PCDH15: variants seen among roughly 807,000 people sequenced by gnomAD.
PCDH15 encodes protocadherin-15.
A neutral mutation model predicts 178.5 loss-of-function variants in PCDH15; 129 were observed. The ratio of observed to expected loss-of-function variants is 0.72; its 90% CI spans 0.63 to 0.84. The LOEUF is 0.84. Ranked by LOEUF, PCDH15 falls within the 40% of genes least tolerant of loss-of-function variation. PCDH15 has a pLI of 0.00. For missense variants in PCDH15, 2,230 were observed against 2,099.9 expected (o/e 1.06, Z -1.21); for synonymous variants, 800 against 732.0 (o/e 1.09, Z -1.50).
At chr10:54,597,511 A>G (rs1400259348) in intron 2 of PCDH15, among the ~76,000 whole-genome samples, 7 of 152,106 alleles carry the variant, frequency 4.6e-5, no homozygotes, top group Admixed American at 4.6e-4. Flanking sequence ...ACCTCAAATT[A>G]ACAACCTAAT....
At chr10:55,045,686 C>A (rs964892176) in intron 2 of PCDH15, among the ~76,000 whole-genome samples, 2 of 152,012 alleles carry the variant, frequency 1.3e-5, no homozygotes, top group East Asian at 1.9e-4. Context: ...CAAAATTCTG[C>A]CAATGTGGCA....
chr10:55,434,082 T>C (rs868673921), intron 2 of PCDH15, among the ~76,000 whole-genome samples: 8 of 126,626 alleles, frequency 6.3e-5, no homozygotes, highest in Admixed American at 3.1e-4. Flanking sequence ...CTTTTCTTTT[T>C]TTTTTTTTTT....
intron 1 of PCDH15, among the ~76,000 whole-genome samples, chr10:55,179,259 G>A (rs1564867497): frequency 6.6e-6 from 1 of 152,064 alleles, no homozygotes; most frequent in Non-Finnish European, 1.5e-5. Flanking sequence ...AGCAGTCATT[G>A]TCCCTATCCT....
chr10:55,439,993 A>G (rs1398346834), intron 2 of PCDH15, among the ~76,000 whole-genome samples: 2 of 152,202 alleles, frequency 1.3e-5, no homozygotes, highest in African/African-American at 4.8e-5. Flanking sequence ...CGTTGTACTG[A>G]TGAATGGAAA....
At chr10:54,989,602 T>A (rs990081310) in intron 2 of PCDH15, among the ~76,000 whole-genome samples, 1 of 152,222 alleles carries the variant, frequency 6.6e-6, no homozygotes, top group Non-Finnish European at 1.5e-5. Flanking sequence ...ATGGGGCCTG[T>A]AGCCCCTTTG....
chr10:54,943,388 T>A (rs1838110773), intron 2 of PCDH15, among the ~76,000 whole-genome samples: 1 of 152,026 alleles, frequency 6.6e-6, no homozygotes, highest in Admixed American at 6.6e-5. Context: ...CTGAATAATC[T>A]AAGATAAATT....
At chr10:53,981,293 G>A (rs980757459) in intron 21 of PCDH15, among the ~76,000 whole-genome samples, 19 of 151,970 alleles carry the variant, frequency 1.3e-4, no homozygotes, top group Middle Eastern at 3.4e-3. Flanking sequence ...AATATGTTTC[G>A]ACTTAGTTAT....
intron 1 of PCDH15, among the ~76,000 whole-genome samples, chr10:55,173,218 A>C (rs1344004937): frequency 6.6e-6 from 1 of 151,870 alleles, no homozygotes; most frequent in Non-Finnish European, 1.5e-5. Context: ...TTAAATTGGC[A>C]AAGGTCCAAT....
chr10:54,651,665 C>G (rs1188247076), intron 2 of PCDH15, among the ~76,000 whole-genome samples: 1 of 152,184 alleles, frequency 6.6e-6, no homozygotes. Flanking sequence ...TTACCTTTTA[C>G]AGCTGAACCA....
intron 2 of PCDH15, among the ~76,000 whole-genome samples, chr10:54,979,530 G>C (rs189334709): frequency 6.6e-6 from 1 of 151,890 alleles, no homozygotes; most frequent in East Asian, 1.9e-4. Flanking sequence ...TTAGCCAGAC[G>C]TGGTGATACG....
intron 2 of PCDH15, among the ~76,000 whole-genome samples, chr10:55,581,457 C>T (rs2132120652): frequency 6.7e-6 from 1 of 149,042 alleles, no homozygotes; most frequent in South Asian, 2.2e-4. Flanking sequence ...CAACTGCTGA[C>T]TACCTAAGTA....
intron 2 of PCDH15, among the ~76,000 whole-genome samples, chr10:54,656,439 A>C (rs2094408573): frequency 6.6e-6 from 1 of 152,160 alleles, no homozygotes. Flanking sequence ...CTGGGCAATG[A>C]TGTCCGTGGC....
At chr10:54,971,782 C>T (rs1838940099) in intron 2 of PCDH15, among the ~76,000 whole-genome samples, 1 of 152,174 alleles carries the variant, frequency 6.6e-6, no homozygotes, top group African/African-American at 2.4e-5. Flanking sequence ...TAAAGGCAGC[C>T]ATGGCTAAGA....
At chr10:54,672,703 G>A (rs1047880581) in intron 1 of PCDH15, among the ~76,000 whole-genome samples, 9 of 149,352 alleles carry the variant, frequency 6.0e-5, no homozygotes, top group African/African-American at 2.2e-4. Flanking sequence ...ATTTTGAAAA[G>A]AAATGTAATT....
At position 55,189,899 on chromosome 10, in the gene PCDH15, A is replaced by C. The variant is rs148700014; in HGVS notation, c.-155-23248T>G. 6.2e-3 allele frequency among the ~76,000 whole-genome samples: 941 copies of C among 151,982 alleles called. 9 individuals are homozygous for C. Among genetic ancestry groups the C allele is most frequent in the South Asian group, 0.02 (97 of 4,824 alleles). On this transcript the variant is annotated intron_variant, in intron 1 of 5. Transcript: ENST00000458638. ...AGCATTTCCCTATCCCATGACCCAG[A>C]AATTATTAATACAATATGCATGATA...
chr10:54,751,543 C>A (rs1368683847), intron 1 of PCDH15, among the ~76,000 whole-genome samples: 1 of 152,038 alleles, frequency 6.6e-6, no homozygotes, highest in Admixed American at 6.5e-5. Context: ...CCAGAAAAAA[C>A]CCTTAAAACC....
chr10:54,713,785 A>T (rs1166847373), intron 1 of PCDH15, among the ~76,000 whole-genome samples: 1 of 152,150 alleles, frequency 6.6e-6, no homozygotes, highest in Non-Finnish European at 1.5e-5. Flanking sequence ...TTCTAAATTT[A>T]CTGAATTTCT....
chr10:54,497,292 C>T (rs1052678532), intron 3 of PCDH15, among the ~76,000 whole-genome samples: 6 of 150,078 alleles, frequency 4.0e-5, no homozygotes, highest in Admixed American at 1.3e-4. Context: ...AAGCACAAAT[C>T]CCCATCCAAA....
At chr10:54,227,874 A>G (rs962725216) in intron 9 of PCDH15, among the ~76,000 whole-genome samples, 1 of 152,190 alleles carries the variant, frequency 6.6e-6, no homozygotes, top group African/African-American at 2.4e-5. Flanking sequence ...GCTAAAACAT[A>G]ACAAGAGTCA....
Sources: gnomAD v4.1 joint callset for allele counts (sites outside exome capture counted in the v4.1 genomes callset) on GRCh38, gnomAD v4.1.1 for gene constraint, MANE v1.5 for transcripts, NCBI Gene and HGNC (gene_info 2026-07-23, HGNC 2026-07-21) for gene names.